ANKS1A: variants seen among roughly 807,000 people sequenced by gnomAD.
The protein encoded by ANKS1A is ankyrin repeat and sterile alpha motif domain containing 1A.
Under a neutral mutation model 120.3 loss-of-function variants are expected in ANKS1A, and 55 were observed. The observed-to-expected ratio is 0.46, with a 90% CI of 0.37 to 0.57. The LOEUF (loss-of-function observed/expected upper bound fraction) is 0.57, where lower values mean the gene tolerates loss of function less well. Among genes scored for constraint, ANKS1A ranks in the 20% least tolerant of loss-of-function variants. The pLI is 0.00. For missense variants in ANKS1A, 1,123 were observed against 1,480.3 expected, an observed-to-expected ratio of 0.76 and a Z score of 3.96; for synonymous variants, 590 against 604.7, an observed-to-expected ratio of 0.98 and a Z score of 0.36.
chr6:35,017,697 C>T lies in ANKS1A; in HGVS notation c.1648C>T (p.His550Tyr), dbSNP rs148267869. The T allele has an allele frequency of 2.3e-4, 369 of 1,613,992 alleles. No homozygotes were observed. In the African/African-American group the frequency reaches 4.1e-3, roughly 18 times the overall value. The change falls in exon 11 of 24, where the codon CAT becomes TAT. Residue 550 changes from histidine to tyrosine, a missense_variant. By Grantham distance (83) the His-to-Tyr change is moderately conservative. This residue lies in a region of ANKS1A where 904 missense variants were observed against 1,130.4 expected (regional missense o/e 0.80). Coordinates refer to ENST00000360359, the MANE Select transcript of ANKS1A (RefSeq NM_015245.3). ...ASMQLEETGV[H>Y]APGASQPSAL... ...CATGCAGCTGGAGGAGACGGGTGTG[C>T]ATGCTCCTGGAGCCTCCCAGCCCAG... is the stretch of plus-strand genomic sequence containing the variant.
chr6:34,999,839 A>T (rs997658858), intron 10 of ANKS1A, among the ~76,000 whole-genome samples: 1 of 152,138 alleles, frequency 6.6e-6, no homozygotes, highest in African/African-American at 2.4e-5. Flanking sequence ...AGAGAGAAAG[A>T]GAGGAAAAGA....
In ANKS1A at chr6:35,044,574, C is replaced by G. The variant is rs1332495045; in HGVS notation, c.2011-9525C>G. On this transcript the variant is annotated intron_variant, in intron 11 of 23. Transcript: ENST00000360359. The surrounding 1 kb of genome is among the most constrained non-coding windows in gnomAD (Gnocchi z 4.4). ...TGGATCCTCCGGTTTGCTTCGCGCC[C>G]CAAGAGCTGCCTTGTAGAAAGGCGT... is the stretch of plus-strand genomic sequence containing the variant. 6.6e-6 allele frequency among the ~76,000 whole-genome samples: 1 copy of G among 152,154 alleles called. No individual in the cohort carries two copies. Among genetic ancestry groups the G allele is most frequent in the African/African-American group, 2.4e-5 (1 of 41,442 alleles).
At position 35,077,980 on chromosome 6, in the gene ANKS1A, C is replaced by T. The variant is rs17610307; in HGVS notation, c.2185-578C>T. Among the ~76,000 whole-genome samples, 941 of 152,258 alleles carry T rather than the reference C, an allele frequency of 6.2e-3. 9 individuals are homozygous for T. The highest frequency in any genetic ancestry group is 7.7e-3 in the Non-Finnish European group (525 of 68,014). ...TGTGCCTCTCCACCCTCAGCTGCTC[C>T]GTTGAGGCCAGTGGAGGTCTCAGAA... On this transcript the variant is annotated intron_variant, in intron 13 of 23. Coordinates refer to ENST00000360359, the MANE Select transcript of ANKS1A (RefSeq NM_015245.3).
chr6:35,091,899 T>C (rs1778320141), downstream of ANKS1A, among the ~76,000 whole-genome samples: 1 of 152,142 alleles, frequency 6.6e-6, no homozygotes, highest in South Asian at 2.1e-4. Context: ...GAGGGCAAAG[T>C]GTTCCCAGAG....
intron 16 of ANKS1A, among the ~76,000 whole-genome samples, 160 bp downstream of exon 16, chr6:35,080,088 C>T (rs1561963524): frequency 1.3e-5 from 2 of 152,120 alleles, no homozygotes; most frequent in African/African-American, 2.4e-5. Flanking sequence ...AGAAGTTCCC[C>T]GCCACCTGTT....
intron 1 of ANKS1A, among the ~76,000 whole-genome samples, chr6:34,943,315 T>A (rs186512779): frequency 3.9e-5 from 6 of 152,172 alleles, no homozygotes; most frequent in Non-Finnish European, 7.3e-5. Flanking sequence ...CCCATATACT[T>A]CTTCTCTCTC....
chr6:35,067,653 GAA>G (rs926102602), intron 13 of ANKS1A, among the ~76,000 whole-genome samples: 1 of 151,400 alleles, frequency 6.6e-6, no homozygotes, highest in Non-Finnish European at 1.5e-5. Flanking sequence ...AAGTGGTGGG[GAA>G]AAAAAAGAAA....
intron 11 of ANKS1A, among the ~76,000 whole-genome samples, chr6:35,045,907 G>A (rs911992524): frequency 9.2e-5 from 14 of 152,122 alleles, no homozygotes; most frequent in Admixed American, 3.3e-4. Context: ...TTTCAGGGTC[G>A]GTGGTCGACC....
Position 35,060,048 on chromosome 6 carries a change from C to A in ANKS1A, c.2078-99C>A. The A allele has an allele frequency of 1.1e-6, 1 of 919,426 alleles. No individual in the cohort carries two copies. 57.0% of individuals were successfully genotyped at this position (919,426 alleles called of 1,614,324 possible). On this transcript the variant is annotated intron_variant, in intron 12 of 23. Coordinates refer to ENST00000360359, the MANE Select transcript of ANKS1A (RefSeq NM_015245.3). This position sits in a 1 kb window ranked among gnomAD's most constrained non-coding sequence, Gnocchi z 4.5. Reference sequence around the variant, plus strand: ...TAGTTTGGCTGTTTGATGGTAATGACTATGATGTGGCAATGCCATCTATCT... The same window carrying A: ...TAGTTTGGCTGTTTGATGGTAATGAATATGATGTGGCAATGCCATCTATCT...
intron 1 of ANKS1A, among the ~76,000 whole-genome samples, chr6:34,920,754 T>C (rs150583631): frequency 2.2e-4 from 34 of 152,270 alleles, no homozygotes; most frequent in African/African-American, 7.7e-4. Flanking sequence ...AAAAGAATGA[T>C]GTAAAGTGCT....
chr6:35,087,873 G>A (rs1176869130), intron 23 of ANKS1A, among the ~76,000 whole-genome samples: 1 of 152,238 alleles, frequency 6.6e-6, no homozygotes, highest in Non-Finnish European at 1.5e-5. Context: ...TGTGTGGACA[G>A]CCCCTCTATC....
At chr6:34,926,262 C>T (rs537346154) in intron 1 of ANKS1A, among the ~76,000 whole-genome samples, 1 of 152,218 alleles carries the variant, frequency 6.6e-6, no homozygotes, top group Non-Finnish European at 1.5e-5. Context: ...GCAGGGCCTG[C>T]TGGGGTCTTG....
At chr6:34,979,071 AT>A (rs1771763870) in intron 3 of ANKS1A, among the ~76,000 whole-genome samples, 1 of 151,544 alleles carries the variant, frequency 6.6e-6, no homozygotes, top group Admixed American at 6.6e-5. Context: ...AATTTTTTGT[AT>A]TTTTAGTGGA....
intron 16 of ANKS1A, 73 bp from the exon 17 acceptor site, chr6:35,080,921 G>A: frequency 6.5e-7 from 1 of 1,550,200 alleles, no homozygotes; most frequent in South Asian, 1.2e-5. Context: ...CCTAACCAGT[G>A]GGGCTGGCTG....
intron 14 of ANKS1A, 142 bp from the exon 15 acceptor site, chr6:35,079,374 T>A: frequency 1.1e-6 from 1 of 947,518 alleles, no homozygotes; most frequent in Non-Finnish European, 1.5e-6. Flanking sequence ...CTGTGCGAAG[T>A]GGGGGGCTGG....
At chr6:34,895,706 C>G (rs185191225) in intron 1 of ANKS1A, among the ~76,000 whole-genome samples, 1 of 150,688 alleles carries the variant, frequency 6.6e-6, no homozygotes, top group Admixed American at 6.6e-5. Context: ...CAACTATCCA[C>G]TAGCATAGCA....
intron 10 of ANKS1A, among the ~76,000 whole-genome samples, chr6:34,999,772 C>T (rs1235556082): frequency 6.6e-6 from 1 of 152,040 alleles, no homozygotes; most frequent in South Asian, 2.1e-4. Flanking sequence ...CCTTCCCCGC[C>T]ACAGTAGTTA....
At chr6:35,051,019 C>T (rs1474866798) in intron 11 of ANKS1A, among the ~76,000 whole-genome samples, 1 of 152,158 alleles carries the variant, frequency 6.6e-6, no homozygotes, top group East Asian at 1.9e-4. Context: ...CCCAGCCGGT[C>T]TGCAGTCTGG....
chr6:35,053,123 T>A (rs1437756834), intron 11 of ANKS1A, among the ~76,000 whole-genome samples: 1 of 152,226 alleles, frequency 6.6e-6, no homozygotes, highest in Non-Finnish European at 1.5e-5. Context: ...TGACCCAGGC[T>A]CCTTACTTGC....
Sources: allele counts gnomAD v4.1 joint callset (sites outside exome capture counted in the v4.1 genomes callset), GRCh38; gene constraint gnomAD v4.1.1; regional missense constraint gnomAD v4.1.1; non-coding constraint Gnocchi (gnomAD v3.1); transcripts MANE v1.5; gene names NCBI Gene and HGNC (gene_info 2026-07-23, HGNC 2026-07-21).